Variants in TIMM50 observed in about 807,000 individuals in gnomAD.
TIMM50 encodes mitochondrial import inner membrane translocase subunit TIM50.
Under a neutral mutation model 49.6 loss-of-function variants are expected in TIMM50, and 34 were observed. That is an observed-to-expected ratio of 0.69 (90% CI 0.52 to 0.91). The LOEUF is 0.91. Ranked by LOEUF, TIMM50 falls within the 40% of genes least tolerant of loss-of-function variation. The probability of loss-of-function intolerance (pLI) is 0.00; values close to 1 mark genes in which losing one functional copy is unlikely to be tolerated. For missense variants in TIMM50, 458 were observed against 477.8 expected, an observed-to-expected ratio of 0.96 and a Z score of 0.39; for synonymous variants, 199 against 198.4, an observed-to-expected ratio of 1.00 and a Z score of -0.03.
rs1345381809 is a variant in TIMM50, at chr19:39,491,679, C to G, written c.*1859C>G. Reference sequence around the variant, plus strand: ...TAAAAAAAAAACAAAGTAACGAGCCCAGCGAGGTTATGCATACCTGTAGTC... The same window carrying G: ...TAAAAAAAAAACAAAGTAACGAGCCGAGCGAGGTTATGCATACCTGTAGTC... On this transcript the variant is annotated 3_prime_UTR_variant, in exon 11 of 11. Coordinates refer to ENST00000607714, the MANE Select transcript of TIMM50 (RefSeq NM_001001563.5). 6.6e-6 allele frequency: 1 copy of G among 151,454 alleles called. No individual in the cohort carries two copies. Among genetic ancestry groups the G allele is most frequent in the Non-Finnish European group, 1.5e-5 (1 of 67,896 alleles). The allele number at this position is 151,454 out of a possible 1,614,324, so 9.4% of individuals were successfully genotyped here. A position where few individuals can be genotyped will look rare whatever the true frequency, so the allele number is the denominator to read the frequency against.
Position 39,481,868 on chromosome 19 carries a change from C to T in TIMM50, c.109-15C>T, listed in dbSNP as rs761157604. On this transcript the variant is annotated splice_polypyrimidine_tract_variant and intron_variant, in intron 1 of 10. Coordinates refer to ENST00000607714, the MANE Select transcript of TIMM50 (RefSeq NM_001001563.5). Reference sequence around the variant, plus strand: ...TCTCTTCTCTCTTGGCTGACCTCCCCTTTCTCAACCGCAGGCCGCAGAGAT... The same window carrying T: ...TCTCTTCTCTCTTGGCTGACCTCCCTTTTCTCAACCGCAGGCCGCAGAGAT... 6.2e-7 allele frequency: 1 copy of T among 1,609,128 alleles called. No individual in the cohort carries two copies. The highest frequency in any genetic ancestry group is 8.5e-7 in the Non-Finnish European group (1 of 1,178,224).
At chr19:39,485,361 TA>T (rs756842711) in intron 4 of TIMM50, 182 bp from the exon 5 acceptor site, 15 of 652,654 alleles carry the variant, frequency 2.3e-5, no homozygotes, top group South Asian at 9.4e-5. Context: ...GGCAAGTAAA[TA>T]AATCTGTGTT....
chr19:39,486,059 C>G (rs1600740293), intron 6 of TIMM50, 128 bp from the exon 7 acceptor site: 1 of 1,144,508 alleles, frequency 8.7e-7, no homozygotes, highest in Non-Finnish European at 1.3e-6. Flanking sequence ...ACTTCTTGAC[C>G]TCCAAGAGCC....
intron 1 of TIMM50, 102 bp from the exon 2 acceptor site, chr19:39,481,781 G>A: frequency 6.9e-7 from 1 of 1,447,540 alleles, no homozygotes; most frequent in Non-Finnish European, 9.3e-7. Flanking sequence ...CTCTGTGGGT[G>A]TCTGCCTCTT....
chr19:39,490,128 T>C lies in TIMM50; in HGVS notation c.*308T>C, dbSNP rs2079535403. The C allele has an allele frequency of 2.7e-6, 1 of 367,566 alleles. No homozygotes were observed. Among genetic ancestry groups the C allele is most frequent in the Non-Finnish European group, 5.1e-6 (1 of 196,868 alleles). The allele number at this position is 367,566 out of a possible 1,614,324, so 22.8% of individuals were successfully genotyped here. Reference sequence around the variant, plus strand: ...TTGCGTGATCTGTGAAAAATACATCTCCCTCTGACCACAGACTCCTCATCT... The same window carrying C: ...TTGCGTGATCTGTGAAAAATACATCCCCCTCTGACCACAGACTCCTCATCT... On this transcript the variant is annotated 3_prime_UTR_variant, in exon 11 of 11. Transcript: ENST00000607714.
chr19:39,484,587 C>T (rs148070204), intron 4 of TIMM50, among the ~76,000 whole-genome samples: 283 of 152,066 alleles, frequency 1.9e-3, no homozygotes, highest in African/African-American at 6.3e-3. Flanking sequence ...TTGCGATAAC[C>T]GGTTATATCT....
intron 9 of TIMM50, 66 bp downstream of exon 9, chr19:39,488,283 A>G: frequency 6.5e-7 from 1 of 1,548,352 alleles, no homozygotes; most frequent in South Asian, 1.2e-5. Flanking sequence ...AGGAAGGATA[A>G]ATGCATGATT....
chr19:39,488,186 G>A lies in TIMM50; in HGVS notation c.822G>A (p.Arg274=). The change falls in exon 9 of 11, where the codon CGG becomes CGA. Residue 274 remains arginine (R), a synonymous_variant. Coordinates refer to ENST00000607714, the MANE Select transcript of TIMM50 (RefSeq NM_001001563.5). ...CCTGGGACGGCAACTCTGATGACCG[G>A]GTCTTGTTGGATCTGTCTGCCTTCC... The part of the protein sequence containing the change: ...LRPWDGNSDD[R]VLLDLSAFLK... The A allele has an allele frequency of 1.2e-6, 2 of 1,613,774 alleles. No individual in the cohort carries two copies. The highest frequency in any genetic ancestry group is 2.2e-5 in the South Asian group (2 of 91,076).
intron 4 of TIMM50, chr19:39,485,340 G>A: frequency 1.6e-6 from 1 of 622,056 alleles, no homozygotes; most frequent in East Asian, 2.8e-5. Flanking sequence ...ATAAGTATCA[G>A]CTTAAAATAG....
At chr19:39,488,885 A>G (rs910162170) in intron 10 of TIMM50, among the ~76,000 whole-genome samples, 3 of 152,158 alleles carry the variant, frequency 2.0e-5, no homozygotes, top group Non-Finnish European at 4.4e-5. Flanking sequence ...AGGATTTGAG[A>G]TTAGGCTGGG....
rs759922047 is a variant in TIMM50 at position 39,481,877 on chromosome 19, C to T, written c.109-6C>T. The T allele has an allele frequency of 1.9e-6, 3 of 1,610,782 alleles. No individual in the cohort carries two copies. Among genetic ancestry groups the T allele is most frequent in the East Asian group, 2.2e-5 (1 of 44,826 alleles). ...TCTTGGCTGACCTCCCCTTTCTCAA[C>T]CGCAGGCCGCAGAGATCGGGAGCCG... On this transcript the variant is annotated splice_polypyrimidine_tract_variant and splice_region_variant and intron_variant, in intron 1 of 10. Transcript: ENST00000607714.
intron 10 of TIMM50, among the ~76,000 whole-genome samples, chr19:39,489,486 T>G (rs1045713509): frequency 6.6e-6 from 1 of 152,044 alleles, no homozygotes; most frequent in Non-Finnish European, 1.5e-5. Flanking sequence ...CATTGAAGCC[T>G]AGGCTCCTGC....
In TIMM50 at chr19:39,489,497, G is replaced by A. The variant is rs4803248; in HGVS notation, c.961-222G>A. Among the ~76,000 whole-genome samples the A allele has an allele frequency of 0.25, 38,571 of 151,864 alleles. 5,883 individuals carry two copies. Among genetic ancestry groups the A allele is most frequent in the African/African-American group, 0.42 (17,393 of 41,398 alleles). The stretch of plus-strand genomic sequence containing the variant: ...CAAACATTGAAGCCTAGGCTCCTGC[G>A]GCTCAGAGCTGGCTCTTCCTAGTGT... On this transcript the variant is annotated intron_variant, in intron 10 of 10. Coordinates refer to ENST00000607714, the MANE Select transcript of TIMM50 (RefSeq NM_001001563.5).
At chr19:39,481,463 C>G (rs916353858) in intron 1 of TIMM50, 8 of 241,374 alleles carry the variant, frequency 3.3e-5, no homozygotes, top group Non-Finnish European at 5.6e-5. Context: ...TATCCCTTAC[C>G]CTATAACTCT....
chr19:39,485,964 A>G (rs1380477473), intron 6 of TIMM50, 157 bp downstream of exon 6: 2 of 1,246,542 alleles, frequency 1.6e-6, no homozygotes, highest in East Asian at 4.9e-5. Context: ...AGTCATGCTA[A>G]CACCCACTCT....
chr19:39,485,227 G>A (rs1171146591), intron 4 of TIMM50: 1 of 386,158 alleles, frequency 2.6e-6, no homozygotes, highest in East Asian at 5.9e-5. Context: ...CTCCCAAAGT[G>A]CTGGGATTAC....
rs1337857222 is a variant in TIMM50 at position 39,488,124 on chromosome 19, T to C, written c.760T>C (p.Phe254Leu). 6.2e-7 allele frequency: 1 copy of C among 1,614,032 alleles called. No homozygotes were observed. Among genetic ancestry groups the C allele is most frequent in the East Asian group, 2.2e-5 (1 of 44,858 alleles). ...VVVVDCKKEA[F>L]RLQPYNGVAL... ...AGTTGTGGACTGCAAGAAGGAAGCC[T>C]TCCGCCTGCAGCCCTATAACGGCGT... is the stretch of plus-strand genomic sequence containing the variant. Residue 254 changes from phenylalanine (F) to leucine (L), a missense_variant, in exon 9 of 11, where the codon TTC (phenylalanine) becomes CTC (leucine). Phe to Leu is a conservative substitution (Grantham distance 22). Coordinates refer to ENST00000607714, the MANE Select transcript of TIMM50 (RefSeq NM_001001563.5).
chr19:39,491,826 C>CAAAAA lies in TIMM50; in HGVS notation c.*2027_*2031dup, dbSNP rs35118321. 1.6e-5 allele frequency: 1 copy of CAAAAA among 64,064 alleles called. No individual in the cohort carries two copies. Among genetic ancestry groups the CAAAAA allele is most frequent in the Non-Finnish European group, 2.8e-5 (1 of 36,126 alleles). The allele number at this position is 64,064 out of a possible 1,614,324, so 4.0% of individuals were successfully genotyped here. On this transcript the variant is annotated 3_prime_UTR_variant, in exon 11 of 11. Transcript: ENST00000607714. Reference sequence around the variant, plus strand: ...TGGGCAACAGAGCGAGACCCTGTCTCAAAAAAAAAAAAAAAAAAAAAAAAA... The same window carrying CAAAAA: ...TGGGCAACAGAGCGAGACCCTGTCTCAAAAAAAAAAAAAAAAAAAAAAAAAAAAAA...
chr19:39,486,465 C>T lies in TIMM50; in HGVS notation c.666C>T (p.Ala222=), dbSNP rs754756211. The T allele has an allele frequency of 5.6e-6, 9 of 1,614,042 alleles. No homozygotes were observed. The highest frequency in any genetic ancestry group is 7.6e-6 in the Non-Finnish European group (9 of 1,180,036). The change falls in exon 8 of 11, where the codon GCC becomes GCT. Residue 222 remains alanine (A), a synonymous_variant. Coordinates refer to ENST00000607714, the MANE Select transcript of TIMM50 (RefSeq NM_001001563.5). ...GFISYRLFRD[A]TRYMDGHHVK... ...TCTCCTACCGCCTATTCCGGGACGC[C>T]ACAAGATACATGGATGGACACCATG...
Sources: allele counts gnomAD v4.1 joint callset (sites outside exome capture counted in the v4.1 genomes callset), GRCh38; gene constraint gnomAD v4.1.1; transcripts MANE v1.5; gene names NCBI Gene and HGNC (gene_info 2026-07-23, HGNC 2026-07-21).